SLC5A2: variants seen among roughly 807,000 people sequenced by gnomAD.
SLC5A2 encodes the protein sodium/glucose cotransporter 2.
SLC5A2 carries 67 observed loss-of-function variants against 69.0 expected under a neutral mutation model. That is an observed-to-expected ratio of 0.97 (90% CI 0.80 to 1.19). SLC5A2 has a LOEUF of 1.19. Among genes scored for constraint, SLC5A2 ranks in the 50% most tolerant of loss-of-function variants. The pLI is 0.00. For synonymous variants in SLC5A2, 455 were observed against 395.8 expected (o/e 1.15, Z -1.78); for missense variants, 1,001 against 921.5 (o/e 1.09, Z -1.12).
At position 31,488,185 on chromosome 16, in the gene SLC5A2, G is replaced by GC. The variant is rs1411874825; in HGVS notation, c.1021+16dup. On this transcript the variant is annotated intron_variant, in intron 8 of 13. Coordinates refer to ENST00000330498, the MANE Select transcript of SLC5A2 (RefSeq NM_003041.4). ...CATTCTGTACCCAGGTAACATCCCT[G>GC]CCCCGCCCCTTTCCTGTGCCAGCAA... 2 of 1,613,786 alleles carry GC rather than the reference G, an allele frequency of 1.2e-6. No homozygotes were observed. Among genetic ancestry groups the GC allele is most frequent in the African/African-American group, 2.7e-5 (2 of 74,924 alleles).
Position 31,483,180 on chromosome 16 carries a change from C to T in SLC5A2, c.44C>T (p.Ala15Val), listed in dbSNP as rs1204726763. 2 of 1,613,898 alleles carry T rather than the reference C, an allele frequency of 1.2e-6. No individual in the cohort carries two copies. The highest frequency in any genetic ancestry group is 1.7e-5 in the Admixed American group (1 of 60,012). The change falls in exon 1 of 14, where the codon GCC becomes GTC. Residue 15 changes from alanine (A) to valine (V), a missense_variant. Coordinates refer to ENST00000330498, the MANE Select transcript of SLC5A2 (RefSeq NM_003041.4). ...TEAGSAPEMG[A>V]QKALIDNPAD... ...GCAGGCTCGGCACCAGAGATGGGGG[C>T]CCAGAAGGCCCTGATTGACAATCCT...
At chr16:31,487,890 C>T in intron 7 of SLC5A2, 131 bp downstream of exon 7, 1 of 1,417,790 alleles carries the variant, frequency 7.1e-7, no homozygotes, top group East Asian at 2.5e-5. Context: ...CGGGTTGGTG[C>T]TAAACCAGAC....
chr16:31,483,378 G>A lies in SLC5A2; in HGVS notation c.126+116G>A, dbSNP rs900228444. 3.0e-6 allele frequency: 4 copies of A among 1,350,604 alleles called. No individual in the cohort carries two copies. In the African/African-American group the frequency reaches 5.7e-5, roughly 19 times the overall value. 83.7% of individuals were successfully genotyped at this position (1,350,604 alleles called of 1,614,324 possible). A position where few individuals can be genotyped will look rare whatever the true frequency, so the allele number is the denominator to read the frequency against. ...CTTGGATCTTTGAAGGAGAAACCTA[G>A]GCCTGGGGGCAAGCAGGTCTTTGGA... On this transcript the variant is annotated intron_variant, in intron 1 of 13. Transcript: ENST00000330498.
At chr16:31,483,755 T>G (rs1213094065) in intron 1 of SLC5A2, among the ~76,000 whole-genome samples, 2 of 151,858 alleles carry the variant, frequency 1.3e-5, no homozygotes, top group African/African-American at 2.4e-5. Flanking sequence ...ATTTTAAAAA[T>G]TATTTACTTT....
chr16:31,483,849 A>T (rs547106820), intron 1 of SLC5A2, among the ~76,000 whole-genome samples: 1 of 152,008 alleles, frequency 6.6e-6, no homozygotes, highest in African/African-American at 2.4e-5. Context: ...TGCCTCCCAA[A>T]GTGCTGGGAT....
At position 31,483,215 on chromosome 16, in the gene SLC5A2, C is replaced by A. The variant is rs1354279148; in HGVS notation, c.79C>A (p.Leu27Ile). The A allele has an allele frequency of 6.2e-6, 10 of 1,614,066 alleles. No individual in the cohort carries two copies. Among genetic ancestry groups the A allele is most frequent in the Non-Finnish European group, 7.6e-6 (9 of 1,180,036 alleles). ...KALIDNPADI[L>I]VIAAYFLLVI... ...CCTGATTGACAATCCTGCTGACATCCTAGTCATTGCTGCATATTTCCTGCT... is the reference window on the plus strand; with the variant it reads ...CCTGATTGACAATCCTGCTGACATCATAGTCATTGCTGCATATTTCCTGCT... Residue 27 changes from leucine to isoleucine, a missense_variant, in exon 1 of 14, where the codon CTA becomes ATA. Coordinates refer to ENST00000330498, the MANE Select transcript of SLC5A2 (RefSeq NM_003041.4).
chr16:31,484,773 G>A (rs1451976397), intron 2 of SLC5A2, 29 bp downstream of exon 2: 1 of 1,611,108 alleles, frequency 6.2e-7, no homozygotes, highest in Admixed American at 1.7e-5. Context: ...GGAACGGGAG[G>A]GGCCTGGAGA....
Position 31,485,876 on chromosome 16 carries a change from A to C in SLC5A2, c.451A>C (p.Ile151Leu), listed in dbSNP as rs146552221. ...YLSVLSLFLY[I>L]FTKISVDMFS... is the part of the protein sequence containing the mutation. ...GTCTGTGCTCTCCCTTTTCCTGTAC[A>C]TCTTCACCAAGATCTCAGTGAGTGC... The change falls in exon 4 of 14, where the codon ATC (isoleucine) becomes CTC (leucine). Residue 151 changes from isoleucine to leucine, a missense_variant. By Grantham distance (5) the Ile-to-Leu change is conservative. Transcript: ENST00000330498. 2.6e-5 allele frequency: 42 copies of C among 1,613,372 alleles called. No individual in the cohort carries two copies. The highest frequency in any genetic ancestry group is 4.0e-5 in the African/African-American group (3 of 74,894).
rs751436068 is a variant in SLC5A2, at chr16:31,487,648, C to T, written c.774C>T (p.Pro258=). The change falls in exon 7 of 14, where the codon CCC becomes CCT. Residue 258 remains proline (P), a synonymous_variant. Coordinates refer to ENST00000330498, the MANE Select transcript of SLC5A2 (RefSeq NM_003041.4). ...VGNISSFCYR[P]RPDSYHLLRH... ...ACATCTCCAGCTTCTGCTATCGACC[C>T]CGGCCCGACTCCTACCACCTGCTCC... The T allele has an allele frequency of 1.2e-6, 2 of 1,613,780 alleles. No individual in the cohort carries two copies. Among genetic ancestry groups the T allele is most frequent in the Non-Finnish European group, 1.7e-6 (2 of 1,180,010 alleles).
Position 31,484,819 on chromosome 16 carries a change from G to A in SLC5A2, c.199G>A (p.Val67Ile), listed in dbSNP as rs761144354. Reference sequence around the variant, plus strand: ...CTCACTCCCTCCTCTGGCCACCCAGGTTGGGGCCTCTCTCTTCGCCAGCAA... The same window carrying A: ...CTCACTCCCTCCTCTGGCCACCCAGATTGGGGCCTCTCTCTTCGCCAGCAA... ...LAGRSMVWWP[V>I]GASLFASNIG... The change falls in exon 3 of 14, where the codon GTT (valine) becomes ATT (isoleucine). Residue 67 changes from valine (V) to isoleucine (I), a missense_variant and splice_region_variant. Coordinates refer to ENST00000330498, the MANE Select transcript of SLC5A2 (RefSeq NM_003041.4). 3.1e-6 allele frequency: 5 copies of A among 1,613,182 alleles called. No homozygotes were observed. The South Asian group carries it at 3.3e-5, about 11-fold the overall frequency.
In SLC5A2 at chr16:31,488,029, C is replaced by T; in HGVS notation, c.886-9C>T. On this transcript the variant is annotated splice_polypyrimidine_tract_variant and intron_variant, in intron 7 of 13. Coordinates refer to ENST00000330498, the MANE Select transcript of SLC5A2 (RefSeq NM_003041.4). ...CCCGCAAGCGGGCAGCTGAACGCCC[C>T]TCCCGTAGGTCATCGTGCAGCGCTG... is the stretch of plus-strand genomic sequence containing the variant. 3.7e-6 allele frequency: 6 copies of T among 1,612,876 alleles called. No individual in the cohort carries two copies. The highest frequency in any genetic ancestry group is 5.1e-6 in the Non-Finnish European group (6 of 1,179,778).
Position 31,486,281 on chromosome 16 carries a change from A to C in SLC5A2, c.574+6A>C. On this transcript the variant is annotated splice_donor_region_variant and intron_variant, in intron 5 of 13. Transcript: ENST00000330498. ...CATGATTTACACGGTGACAGGTGCC[A>C]GCAGGGGCTTAGGAAAGGGAGTGGG... The C allele has an allele frequency of 6.2e-7, 1 of 1,608,538 alleles. No individual in the cohort carries two copies. Among genetic ancestry groups the C allele is most frequent in the South Asian group, 1.1e-5 (1 of 90,922 alleles).
chr16:31,487,226 G>A (rs2082502864), intron 5 of SLC5A2, 94 bp from the exon 6 acceptor site: 1 of 1,172,874 alleles, frequency 8.5e-7, no homozygotes, highest in Non-Finnish European at 1.3e-6. Context: ...TCCAGGAAGG[G>A]GAACTCTTTC....
intron 5 of SLC5A2, 80 bp downstream of exon 5, chr16:31,486,355 GGAA>G: frequency 1.8e-6 from 2 of 1,084,506 alleles, no homozygotes; most frequent in South Asian, 2.5e-5. Context: ...AGCTGCCAGA[GGAA>G]AGCAAGCTGG....
chr16:31,488,667 C>G lies in SLC5A2; in HGVS notation c.1175C>G (p.Ser392Cys). Residue 392 changes from serine to cysteine, a missense_variant, in exon 10 of 14, where the codon TCC becomes TGC. Coordinates refer to ENST00000330498, the MANE Select transcript of SLC5A2 (RefSeq NM_003041.4). ...MLAVMLAALM[S>C]SLASIFNSSS... ...GCGGTCATGCTGGCCGCGCTCATGT[C>G]CTCGCTGGCCTCCATCTTCAACAGC... is the stretch of plus-strand genomic sequence containing the variant. 1 of 1,612,578 alleles carries G rather than the reference C, an allele frequency of 6.2e-7. No individual in the cohort carries two copies. The highest frequency in any genetic ancestry group is 8.5e-7 in the Non-Finnish European group (1 of 1,179,580).
intron 5 of SLC5A2, 86 bp from the exon 6 acceptor site, chr16:31,487,234 T>C: frequency 7.6e-7 from 1 of 1,307,196 alleles, no homozygotes; most frequent in Non-Finnish European, 1.1e-6. Flanking sequence ...GGGGAACTCT[T>C]TCAAATTCCC....
chr16:31,488,257 T>G, intron 8 of SLC5A2, 84 bp downstream of exon 8: 1 of 1,610,018 alleles, frequency 6.2e-7, no homozygotes, highest in South Asian at 1.1e-5. Context: ...GACTCGGCAG[T>G]TTGGGCCCGG....
At position 31,490,088 on chromosome 16, in the gene SLC5A2, C is replaced by T. The variant is rs1812822790; in HGVS notation, c.1666-16C>T. Reference sequence around the variant, plus strand: ...GGACAGAACTCCCACCTCGTTCGTGCTCCCACCCTCCCCAGCTCCACCGCC... The same window carrying T: ...GGACAGAACTCCCACCTCGTTCGTGTTCCCACCCTCCCCAGCTCCACCGCC... On this transcript the variant is annotated splice_polypyrimidine_tract_variant and intron_variant, in intron 12 of 13. Coordinates refer to ENST00000330498, the MANE Select transcript of SLC5A2 (RefSeq NM_003041.4). The T allele has an allele frequency of 1.9e-6, 3 of 1,613,180 alleles. No homozygotes were observed. Among genetic ancestry groups the T allele is most frequent in the East Asian group, 2.2e-5 (1 of 44,860 alleles).
chr16:31,483,379 G>T, intron 1 of SLC5A2, 117 bp downstream of exon 1: 1 of 1,350,636 alleles, frequency 7.4e-7, no homozygotes, highest in Non-Finnish European at 1.0e-6. Context: ...AGAAACCTAG[G>T]CCTGGGGGCA....
Sources: gnomAD v4.1 joint callset for allele counts (sites outside exome capture counted in the v4.1 genomes callset) on GRCh38, gnomAD v4.1.1 for gene constraint, MANE v1.5 for transcripts, NCBI Gene and HGNC (gene_info 2026-07-23, HGNC 2026-07-21) for gene names.